Variants in CSMD1 observed in about 807,000 individuals in gnomAD.
CSMD1 encodes CUB and sushi domain-containing protein 1.
Under a neutral mutation model 417.5 loss-of-function variants are expected in CSMD1, and 213 were observed. The ratio of observed to expected loss-of-function variants is 0.51; its 90% confidence interval spans 0.46 to 0.57. CSMD1 has a LOEUF of 0.57. Ranked by LOEUF, CSMD1 falls within the 20% of genes least tolerant of loss-of-function variation. The pLI is 0.00. For missense variants in CSMD1, 6,923 were observed against 4,529.7 expected (o/e 1.53, Z -15.17); for synonymous variants, 2,862 against 1,736.8 (o/e 1.65, Z -16.11).
At chr8:4,434,353 G>C (rs1203620401) in intron 2 of CSMD1, among the ~76,000 whole-genome samples, 6 of 152,142 alleles carry the variant, frequency 3.9e-5, no homozygotes, top group Non-Finnish European at 1.5e-5. Flanking sequence ...GCAACAGCAT[G>C]AGACTGTCTC....
chr8:4,952,971 G>A (rs932211417), intron 1 of CSMD1, among the ~76,000 whole-genome samples: 2 of 152,124 alleles, frequency 1.3e-5, no homozygotes, highest in Non-Finnish European at 2.9e-5. Flanking sequence ...GTAGAAGGCT[G>A]TTTTTATTCC....
rs770099024 is a variant in CSMD1 at position 3,369,293 on chromosome 8, G to C, written c.2860C>G (p.Leu954Val). 12 of 1,604,316 alleles carry C rather than the reference G, an allele frequency of 7.5e-6. No homozygotes were observed. Among genetic ancestry groups the C allele is most frequent in the East Asian group, 2.2e-5 (1 of 44,796 alleles). The change falls in exon 19 of 70, where the codon CTA (leucine) becomes GTA (valine). Residue 954 changes from leucine to valine, a missense_variant. Transcript: ENST00000635120. ...PGFPDFYPNS[L>V]NCTWTIEVSH... ...ACTTCAATGGTCCACGTGCAGTTTA[G>C]AGAGTTTGGATAAAAATCTGGAAAC... is the stretch of plus-strand genomic sequence containing the variant.
At chr8:3,104,523 T>C (rs1815987350) in intron 46 of CSMD1, among the ~76,000 whole-genome samples, 2 of 152,118 alleles carry the variant, frequency 1.3e-5, no homozygotes, top group Admixed American at 1.3e-4. Context: ...TAGATACAAC[T>C]TCAATGTTAA....
At chr8:3,996,583 G>C (rs1227565015) in intron 5 of CSMD1, among the ~76,000 whole-genome samples, 6 of 152,036 alleles carry the variant, frequency 3.9e-5, no homozygotes, top group Non-Finnish European at 7.3e-5. Context: ...TCTAATGTTA[G>C]ACATAGCGAG....
rs574839688 is a variant in CSMD1 at position 3,578,138 on chromosome 8, C to T, written c.1223-3072G>A. ...TCTAGCACACCCACTGTCTTCCCTCCGTCAGCTTCCAGCACCAGAAGGGTA... is the reference window on the plus strand; with the variant it reads ...TCTAGCACACCCACTGTCTTCCCTCTGTCAGCTTCCAGCACCAGAAGGGTA... On this transcript the variant is annotated intron_variant, in intron 9 of 69. Transcript: ENST00000635120. Among the ~76,000 whole-genome samples the T allele has an allele frequency of 5.0e-4, 76 of 152,300 alleles. 1 individual carries two copies. The highest frequency in any genetic ancestry group is 1.4e-3 in the African/African-American group (59 of 41,560).
At chr8:3,661,786 C>T (rs1189581743) in intron 7 of CSMD1, among the ~76,000 whole-genome samples, 1 of 152,156 alleles carries the variant, frequency 6.6e-6, no homozygotes, top group African/African-American at 2.4e-5. Context: ...CCTGAGCCAC[C>T]ATGACCGGCA....
intron 3 of CSMD1, among the ~76,000 whole-genome samples, chr8:4,364,146 C>G (rs939064566): frequency 6.6e-5 from 10 of 152,282 alleles, no homozygotes; most frequent in African/African-American, 2.2e-4. Context: ...ATCAAAATCT[C>G]TCTTGTACTT....
At chr8:4,905,589 G>T (rs1805192480) in intron 1 of CSMD1, among the ~76,000 whole-genome samples, 4 of 151,998 alleles carry the variant, frequency 2.6e-5, no homozygotes, top group Admixed American at 2.0e-4. Flanking sequence ...GGAGGCCAAG[G>T]TGGGCCCATC....
chr8:4,798,841 T>C (rs1563420272), intron 1 of CSMD1, among the ~76,000 whole-genome samples: 1 of 152,212 alleles, frequency 6.6e-6, no homozygotes, highest in African/African-American at 2.4e-5. Flanking sequence ...AAGTTTCATA[T>C]AACCTCTGTA....
At chr8:3,773,702 T>A (rs891957373) in intron 5 of CSMD1, among the ~76,000 whole-genome samples, 3 of 152,158 alleles carry the variant, frequency 2.0e-5, no homozygotes, top group Non-Finnish European at 4.4e-5. Flanking sequence ...CTTAATTGAG[T>A]TCCCACCTTC....
chr8:3,375,757 G>A (rs919900188), intron 18 of CSMD1, among the ~76,000 whole-genome samples: 9 of 152,118 alleles, frequency 5.9e-5, no homozygotes, highest in East Asian at 1.9e-4. Flanking sequence ...CAGTGTGATC[G>A]CTGGACACTG....
intron 3 of CSMD1, among the ~76,000 whole-genome samples, chr8:4,300,202 G>T (rs548088651): frequency 5.6e-4 from 86 of 152,274 alleles, no homozygotes; most frequent in African/African-American, 2.0e-3. Context: ...TCTCACAGAA[G>T]GTGTGTAATG....
intron 3 of CSMD1, among the ~76,000 whole-genome samples, chr8:4,071,480 C>CT (rs1167879012): frequency 1.3e-5 from 2 of 151,948 alleles, no homozygotes; most frequent in Non-Finnish European, 2.9e-5. Flanking sequence ...ATATTTCTAA[C>CT]TTTTTTTCAC....
At chr8:4,420,764 T>A (rs1031705672) in intron 2 of CSMD1, among the ~76,000 whole-genome samples, 1 of 152,128 alleles carries the variant, frequency 6.6e-6, no homozygotes, top group Admixed American at 6.6e-5. Flanking sequence ...CTGACACAGC[T>A]CTGTGATCCA....
intron 10 of CSMD1, among the ~76,000 whole-genome samples, chr8:3,521,447 T>G (rs1404492292): frequency 6.6e-6 from 1 of 152,196 alleles, no homozygotes; most frequent in Non-Finnish European, 1.5e-5. Flanking sequence ...GGAAGCTCAC[T>G]GGCCTTGAAC....
At chr8:3,249,178 A>T (rs531373256) in intron 26 of CSMD1, among the ~76,000 whole-genome samples, 2 of 152,248 alleles carry the variant, frequency 1.3e-5, no homozygotes, top group African/African-American at 4.8e-5. Flanking sequence ...GATGTAACAA[A>T]CGATATGAAG....
intron 7 of CSMD1, among the ~76,000 whole-genome samples, chr8:3,631,728 C>G (rs1796792732): frequency 6.6e-6 from 1 of 152,212 alleles, no homozygotes; most frequent in Admixed American, 6.5e-5. Flanking sequence ...GAAAAACTCT[C>G]TGAGAATAGC....
At chr8:4,583,278 A>G (rs535647975) in intron 2 of CSMD1, among the ~76,000 whole-genome samples, 1 of 152,316 alleles carries the variant, frequency 6.6e-6, no homozygotes, top group African/African-American at 2.4e-5. Flanking sequence ...CACCGAGTGA[A>G]GCCAGCTGCG....
At chr8:4,272,041 G>A (rs56372551) in intron 3 of CSMD1, among the ~76,000 whole-genome samples, 75 of 152,014 alleles carry the variant, frequency 4.9e-4, no homozygotes, top group African/African-American at 1.8e-3. Flanking sequence ...GAAAAAAATT[G>A]CATGTAAGTA....
Sources: gnomAD v4.1 joint callset for allele counts (sites outside exome capture counted in the v4.1 genomes callset) on GRCh38, gnomAD v4.1.1 for gene constraint, MANE v1.5 for transcripts, NCBI Gene and HGNC (gene_info 2026-07-23, HGNC 2026-07-21) for gene names.